Variants in PITPNM3 observed in about 807,000 individuals in gnomAD.
PITPNM3 encodes the protein PITPNM family member 3, also known as membrane-associated phosphatidylinositol transfer protein 3.
Under a neutral mutation model 102.0 loss-of-function variants are expected in PITPNM3, and 26 were observed. The ratio of observed to expected loss-of-function variants is 0.25; its 90% CI spans 0.19 to 0.35. The LOEUF is 0.35. PITPNM3 is among the 10% of genes least tolerant of loss of function. The pLI, the probability that PITPNM3 is intolerant of heterozygous loss-of-function variation, is 1.00. For missense variants in PITPNM3, 1,083 were observed against 1,346.1 expected, an observed-to-expected ratio of 0.80 and a Z score of 3.06; for synonymous variants, 578 against 558.6, an observed-to-expected ratio of 1.03 and a Z score of -0.49.
Position 6,537,974 on chromosome 17 carries a change from G to A in PITPNM3, c.118+13C>T. 6.2e-7 allele frequency: 1 copy of A among 1,602,872 alleles called. No individual in the cohort carries two copies. The highest frequency in any genetic ancestry group is 8.5e-7 in the Non-Finnish European group (1 of 1,170,120). On this transcript the variant is annotated intron_variant, in intron 2 of 19. Coordinates refer to ENST00000262483, the MANE Select transcript of PITPNM3 (RefSeq NM_031220.4). This position sits in a 1 kb window ranked among gnomAD's most constrained non-coding sequence, Gnocchi z 4.4. ...GTCACCCAGCCAGTGATATGAGACT[G>A]GGGTTCACTCACCTCTGGCATCAAA...
At chr17:6,494,922 T>C (rs976777759) in intron 4 of PITPNM3, among the ~76,000 whole-genome samples, 3 of 151,828 alleles carry the variant, frequency 2.0e-5, no homozygotes, top group South Asian at 2.1e-4. Context: ...CACAGTGAAA[T>C]TGCACATGCC....
At chr17:6,463,417 GGGAGGGAGGCAGGGAGGGAA>G (rs1302939130) in intron 17 of PITPNM3, among the ~76,000 whole-genome samples, 2 of 58,722 alleles carry the variant, frequency 3.4e-5, no homozygotes, top group African/African-American at 6.7e-5. Flanking sequence ...CACGAGTGCA[GGGAGGGAGGCAGGGAGGGAA>G]GGAGGGAGGC....
intron 1 of PITPNM3, among the ~76,000 whole-genome samples, chr17:6,546,221 A>G (rs976015223): frequency 1.3e-5 from 2 of 152,216 alleles, no homozygotes; most frequent in Non-Finnish European, 1.5e-5. Context: ...AAACTGCTAT[A>G]TGTGCCACCG....
intron 4 of PITPNM3, among the ~76,000 whole-genome samples, chr17:6,486,363 A>G (rs911720296): frequency 1.8e-4 from 27 of 152,240 alleles, no homozygotes; most frequent in African/African-American, 6.3e-4. Flanking sequence ...TAGGAGTCAC[A>G]TCTGGGGAGG....
At chr17:6,484,386 G>T in intron 4 of PITPNM3, 94 bp from the exon 5 acceptor site, 1 of 1,267,730 alleles carries the variant, frequency 7.9e-7, no homozygotes. Context: ...GTGAGACCTT[G>T]GCTTACATCA....
At chr17:6,514,835 AAGTAGAAAC>A (rs2150626784) in intron 3 of PITPNM3, among the ~76,000 whole-genome samples, 1 of 152,360 alleles carries the variant, frequency 6.6e-6, no homozygotes, top group South Asian at 2.1e-4. Context: ...AATAGCCAAA[AAGTAGAAAC>A]AACTCACATG....
Position 6,457,617 on chromosome 17 carries a change from T to C in PITPNM3, c.2596A>G (p.Lys866Glu). The change falls in exon 19 of 20, where the codon AAG (lysine) becomes GAG (glutamate). Residue 866 changes from lysine (K) to glutamate (E), a missense_variant. Around this residue, in one of 5 missense-constraint regions of PITPNM3, gnomAD observed 208 missense variants for 178.2 expected, o/e 1.17. Transcript: ENST00000262483. The surrounding 1 kb of genome is among the most constrained non-coding windows in gnomAD (Gnocchi z 4.7). ...SQIFIVGRPT[K>E]KYQTQCQFLS... ...ACCTGGCACTGGGTTTGGTACTTCT[T>C]GGTGGGCCGGCCCACAATGAAGATC... The C allele has an allele frequency of 6.2e-7, 1 of 1,613,530 alleles. No homozygotes were observed.
At chr17:6,503,152 C>A (rs1907283666) in intron 4 of PITPNM3, among the ~76,000 whole-genome samples, 1 of 152,166 alleles carries the variant, frequency 6.6e-6, no homozygotes, top group Admixed American at 6.5e-5. Context: ...GGCACAGGGG[C>A]CATGTTCCCC....
intron 3 of PITPNM3, among the ~76,000 whole-genome samples, chr17:6,518,269 C>G (rs1908299240): frequency 6.6e-6 from 1 of 152,138 alleles, no homozygotes. Flanking sequence ...ACTATGTAGA[C>G]ATGATGGACA....
rs749731891 is a variant in PITPNM3, at chr17:6,464,216, G to T, written c.2110C>A (p.Pro704Thr). 2.6e-5 allele frequency: 42 copies of T among 1,614,076 alleles called. No individual in the cohort carries two copies. Among genetic ancestry groups the T allele is most frequent in the Non-Finnish European group, 3.1e-5 (37 of 1,180,040 alleles). The change falls in exon 16 of 20, where the codon CCC (proline) becomes ACC (threonine). Residue 704 changes from proline (P) to threonine (T), a missense_variant. Around this residue, in one of 5 missense-constraint regions of PITPNM3, gnomAD observed 410 missense variants for 638.4 expected, o/e 0.64. Coordinates refer to ENST00000262483, the MANE Select transcript of PITPNM3 (RefSeq NM_031220.4). ...TAGACACCAACCCCCAGGCGCCGGG[G>T]CCGCGGCACATTGTATGTGATGCGA... ...SGRITYNVPR[P>T]RRLGVGVYPV...
chr17:6,540,561 G>A (rs181374286), intron 1 of PITPNM3, among the ~76,000 whole-genome samples: 18 of 152,182 alleles, frequency 1.2e-4, no homozygotes, highest in Admixed American at 9.8e-4. Context: ...TTATTATTGC[G>A]GCTCTCTTTT....
intron 3 of PITPNM3, among the ~76,000 whole-genome samples, chr17:6,525,077 G>A (rs1446247517): frequency 6.6e-6 from 1 of 152,288 alleles, no homozygotes; most frequent in Admixed American, 6.5e-5. Context: ...CTTGGACCCA[G>A]GCACCTGCCA....
rs769654511 is a variant in PITPNM3 at position 6,471,227 on chromosome 17, C to T, written c.1558G>A (p.Glu520Lys). ...RFQRPGRRMS[E>K]GSSHSESSES... The stretch of plus-strand genomic sequence containing the variant: ...GAGCTCTCGCTGTGGGAGCTCCCCT[C>T]GCTCATCCTCCGTCCTGGGCGCTGG... Residue 520 changes from glutamate (E) to lysine (K), a missense_variant, in exon 12 of 20, where the codon GAG (glutamate) becomes AAG (lysine). Physicochemically the swap from Glu to Lys is moderately conservative, Grantham distance 56. Transcript: ENST00000262483. 14 of 1,613,190 alleles carry T rather than the reference C, an allele frequency of 8.7e-6. No individual in the cohort carries two copies. The highest frequency in any genetic ancestry group is 3.3e-5 in the South Asian group (3 of 91,018).
chr17:6,485,814 C>A (rs1220605538), intron 4 of PITPNM3, among the ~76,000 whole-genome samples: 1 of 152,208 alleles, frequency 6.6e-6, no homozygotes, highest in Non-Finnish European at 1.5e-5. Context: ...ATTCAGTAAA[C>A]CACAGCCATG....
rs1054777249 is a variant in PITPNM3, at chr17:6,454,926, T to C, written c.*412A>G. On this transcript the variant is annotated 3_prime_UTR_variant, in exon 20 of 20. Coordinates refer to ENST00000262483, the MANE Select transcript of PITPNM3 (RefSeq NM_031220.4). ...CCTCCACAAGACAGCCCAGAGGCTG[T>C]GCCTGCCAGCGGCGCTTGGTGCCGA... 2 of 218,552 alleles carry C rather than the reference T, an allele frequency of 9.2e-6. No homozygotes were observed. Among genetic ancestry groups the C allele is most frequent in the African/African-American group, 4.6e-5 (2 of 43,246 alleles). 13.5% of individuals were successfully genotyped at this position (218,552 alleles called of 1,614,324 possible). A position where few individuals can be genotyped will look rare whatever the true frequency, so the allele number is the denominator to read the frequency against.
intron 1 of PITPNM3, among the ~76,000 whole-genome samples, chr17:6,553,059 C>T (rs1453548848): frequency 6.7e-6 from 1 of 150,208 alleles, no homozygotes; most frequent in Non-Finnish European, 1.5e-5. Context: ...CACGAACCAC[C>T]GCACCGAGCC....
At position 6,470,340 on chromosome 17, in the gene PITPNM3, A is replaced by C; in HGVS notation, c.1693T>G (p.Phe565Val). Reference sequence around the variant, plus strand: ...AGGTGGGGCAGGGCCACGGTGGGGAAGGCCGTGAGGACATCAGGGCAGTAC... The same window carrying C: ...AGGTGGGGCAGGGCCACGGTGGGGACGGCCGTGAGGACATCAGGGCAGTAC... Reference protein sequence around the residue: ...ALYCPDVLTAFPTVALPHLFH... With the variant: ...ALYCPDVLTAVPTVALPHLFH... Residue 565 changes from phenylalanine (F) to valine (V), a missense_variant, in exon 13 of 20, where the codon TTC becomes GTC. Coordinates refer to ENST00000262483, the MANE Select transcript of PITPNM3 (RefSeq NM_031220.4). The surrounding 1 kb of genome is among the most constrained non-coding windows in gnomAD (Gnocchi z 4.8). The C allele has an allele frequency of 6.2e-7, 1 of 1,614,108 alleles. No homozygotes were observed. The highest frequency in any genetic ancestry group is 8.5e-7 in the Non-Finnish European group (1 of 1,179,992).
At position 6,472,508 on chromosome 17, in the gene PITPNM3, G is replaced by A. The variant is rs897349175; in HGVS notation, c.1429+149C>T. On this transcript the variant is annotated intron_variant, in intron 11 of 19. Transcript: ENST00000262483. This position sits in a 1 kb window ranked among gnomAD's most constrained non-coding sequence, Gnocchi z 4.1. Reference sequence around the variant, plus strand: ...AAGCAGGTGCTTAGCACAGGTGGGCGACTCTGAAGACAGAGGAGTCGGCTA... The same window carrying A: ...AAGCAGGTGCTTAGCACAGGTGGGCAACTCTGAAGACAGAGGAGTCGGCTA... The A allele has an allele frequency of 2.0e-5, 23 of 1,129,962 alleles. No homozygotes were observed. The highest frequency in any genetic ancestry group is 4.7e-5 in the African/African-American group (3 of 64,074). 70.0% of individuals were successfully genotyped at this position (1,129,962 alleles called of 1,614,324 possible). A position where few individuals can be genotyped will look rare whatever the true frequency, so the allele number is the denominator to read the frequency against.
At position 6,451,885 on chromosome 17, in the gene PITPNM3, C is replaced by CCCA. The variant is rs1913858880; in HGVS notation, c.*3452_*3453insTGG. 1 of 30,418 alleles carries CCCA rather than the reference C, an allele frequency of 3.3e-5. No individual in the cohort carries two copies. Among genetic ancestry groups the CCCA allele is most frequent in the South Asian group, 1.2e-3 (1 of 834 alleles). The allele number at this position is 30,418 out of a possible 1,614,324, so 1.9% of individuals were successfully genotyped here. ...ACTTGGCACCCAAACCCCCCCCCCCCGCCCGCCGATGGGATTCGGTGGGAA... is the reference window on the plus strand; with the variant it reads ...ACTTGGCACCCAAACCCCCCCCCCCCCCAGCCCGCCGATGGGATTCGGTGGGAA... On this transcript the variant is annotated 3_prime_UTR_variant, in exon 20 of 20. Coordinates refer to ENST00000262483, the MANE Select transcript of PITPNM3 (RefSeq NM_031220.4).
Sources: allele counts gnomAD v4.1 joint callset (sites outside exome capture counted in the v4.1 genomes callset), GRCh38; gene constraint gnomAD v4.1.1; regional missense constraint gnomAD v4.1.1; non-coding constraint Gnocchi (gnomAD v3.1); transcripts MANE v1.5; gene names NCBI Gene and HGNC (gene_info 2026-07-23, HGNC 2026-07-21).